Variants in GPR158 observed in about 807,000 individuals in gnomAD.
GPR158 encodes metabotropic glycine receptor.
GPR158 carries 30 observed loss-of-function variants against 78.2 expected under a neutral mutation model. That is an observed-to-expected ratio of 0.38 (90% CI 0.29 to 0.52). GPR158 has a LOEUF of 0.52. Among genes scored for constraint, GPR158 ranks in the 20% least tolerant of loss-of-function variants. The pLI is 0.83. For synonymous variants in GPR158, 581 were observed against 591.1 expected, an observed-to-expected ratio of 0.98 and a Z score of 0.25; for missense variants, 1,463 against 1,523.5, an observed-to-expected ratio of 0.96 and a Z score of 0.66.
At chr10:25,529,517 G>A (rs984940634) in intron 5 of GPR158, among the ~76,000 whole-genome samples, 6 of 152,152 alleles carry the variant, frequency 3.9e-5, no homozygotes, top group African/African-American at 1.4e-4. Context: ...ATCGGGGAGT[G>A]GCAAGTTGGA....
chr10:25,423,147 A>C, intron 4 of GPR158, among the ~76,000 whole-genome samples: 1 of 147,808 alleles, frequency 6.8e-6, no homozygotes, highest in South Asian at 2.1e-4. Context: ...ATATACATAT[A>C]TATGTATATG....
chr10:25,478,352 GT>G (rs1403639416), intron 5 of GPR158, among the ~76,000 whole-genome samples: 7 of 151,968 alleles, frequency 4.6e-5, no homozygotes, highest in African/African-American at 1.7e-4. Flanking sequence ...TATTTACAAA[GT>G]AGAACAAAAT....
At chr10:25,469,373 C>G (rs1247180635) in intron 5 of GPR158, among the ~76,000 whole-genome samples, 1 of 152,210 alleles carries the variant, frequency 6.6e-6, no homozygotes, top group Non-Finnish European at 1.5e-5. Flanking sequence ...ATCTCTCCCT[C>G]AGATTCAGCC....
chr10:25,471,782 A>G (rs368297730), intron 5 of GPR158, among the ~76,000 whole-genome samples: 3 of 152,058 alleles, frequency 2.0e-5, no homozygotes, highest in East Asian at 3.9e-4. Context: ...GTCTGTTCAT[A>G]TCCTTCGCCC....
At chr10:25,264,610 T>C (rs1473650583) in intron 2 of GPR158, among the ~76,000 whole-genome samples, 1 of 152,068 alleles carries the variant, frequency 6.6e-6, no homozygotes, top group African/African-American at 2.4e-5. Flanking sequence ...TAATAAGAAA[T>C]TGTCATTCAA....
At chr10:25,225,594 G>T (rs1002464074) in intron 2 of GPR158, among the ~76,000 whole-genome samples, 1 of 152,074 alleles carries the variant, frequency 6.6e-6, no homozygotes, top group South Asian at 2.1e-4. Context: ...TTATTAAAAA[G>T]TTAAATGTAA....
At chr10:25,348,469 A>G (rs971979951) in intron 2 of GPR158, among the ~76,000 whole-genome samples, 5 of 151,600 alleles carry the variant, frequency 3.3e-5, no homozygotes, top group Non-Finnish European at 7.4e-5. Context: ...CCCCATCAAT[A>G]AGTATCATAA....
Position 25,510,379 on chromosome 10 carries a change from T to C in GPR158, c.1405-40597T>C, listed in dbSNP as rs550248006. On this transcript the variant is annotated intron_variant, in intron 5 of 10. Transcript: ENST00000376351. ...ATGATATTGTATAGGAGCTTCACAT[T>C]TTAATAGAATAGCCATGTTGTAAAC... 3.9e-3 allele frequency among the ~76,000 whole-genome samples: 590 copies of C among 152,284 alleles called. 6 individuals are homozygous for C. The highest frequency in any genetic ancestry group is 0.014 in the African/African-American group (566 of 41,552).
At chr10:25,444,626 G>A (rs1325085602) in intron 4 of GPR158, among the ~76,000 whole-genome samples, 1 of 151,356 alleles carries the variant, frequency 6.6e-6, no homozygotes, top group Non-Finnish European at 1.5e-5. Flanking sequence ...TGTGGTATAT[G>A]TGAAGATGTG....
Position 25,291,323 on chromosome 10 carries a change from C to T in GPR158, c.1008+70166C>T, listed in dbSNP as rs113577103. On this transcript the variant is annotated intron_variant, in intron 2 of 10. Coordinates refer to ENST00000376351, the MANE Select transcript of GPR158 (RefSeq NM_020752.3). The stretch of plus-strand genomic sequence containing the variant: ...GGCCATAGATTTATCTTTGAGCAAG[C>T]GCTTAAAGAGGGAAATGGGATCAAT... Among the ~76,000 whole-genome samples the T allele has an allele frequency of 4.3e-3, 652 of 151,966 alleles. 3 individuals are homozygous for T. The highest frequency in any genetic ancestry group is 0.015 in the African/African-American group (609 of 41,478).
intron 5 of GPR158, among the ~76,000 whole-genome samples, chr10:25,484,214 C>A (rs1375439310): frequency 6.6e-6 from 1 of 152,190 alleles, no homozygotes; most frequent in Non-Finnish European, 1.5e-5. Flanking sequence ...ACACACCCTG[C>A]AGCCTTGGCA....
chr10:25,366,569 A>T (rs1192047015), intron 2 of GPR158, among the ~76,000 whole-genome samples: 6 of 151,758 alleles, frequency 4.0e-5, no homozygotes, highest in Admixed American at 4.0e-4. Flanking sequence ...TTTTGTGATG[A>T]GAACATATAA....
At chr10:25,245,515 G>C (rs1005597919) in intron 2 of GPR158, among the ~76,000 whole-genome samples, 1 of 152,168 alleles carries the variant, frequency 6.6e-6, no homozygotes, top group Non-Finnish European at 1.5e-5. Context: ...TTCTAGTTCT[G>C]TTGTGTATGA....
intron 3 of GPR158, among the ~76,000 whole-genome samples, chr10:25,407,390 A>G (rs555511030): frequency 6.6e-6 from 1 of 152,250 alleles, no homozygotes; most frequent in African/African-American, 2.4e-5. Context: ...ATTTTTATTC[A>G]TTCTTTAGGT....
At chr10:25,418,099 G>T (rs561752208) in intron 4 of GPR158, among the ~76,000 whole-genome samples, 31 of 152,270 alleles carry the variant, frequency 2.0e-4, no homozygotes, top group Admixed American at 7.2e-4. Context: ...AAGCAAATAT[G>T]TGTAGGGGTA....
chr10:25,446,407 T>C (rs1416354275), intron 4 of GPR158, among the ~76,000 whole-genome samples: 1 of 152,210 alleles, frequency 6.6e-6, no homozygotes, highest in Non-Finnish European at 1.5e-5. Context: ...AGTTCTTGCC[T>C]TCCAAAAGCA....
At chr10:25,404,866 G>A (rs1373367878) in intron 3 of GPR158, among the ~76,000 whole-genome samples, 2 of 152,064 alleles carry the variant, frequency 1.3e-5, no homozygotes, top group Admixed American at 1.3e-4. Context: ...TATCAGTCAT[G>A]GAAAGCTCTC....
chr10:25,446,941 G>T (rs1835144735), intron 4 of GPR158, among the ~76,000 whole-genome samples: 1 of 152,160 alleles, frequency 6.6e-6, no homozygotes, highest in African/African-American at 2.4e-5. Flanking sequence ...ACAGCAAATG[G>T]AATTTTGTTG....
intron 4 of GPR158, among the ~76,000 whole-genome samples, chr10:25,425,461 C>T (rs993898007): frequency 2.0e-5 from 3 of 151,744 alleles, no homozygotes; most frequent in African/African-American, 7.3e-5. Flanking sequence ...GTTCATCGGC[C>T]ATTTGTATAT....
Sources: allele counts gnomAD v4.1 joint callset (sites outside exome capture counted in the v4.1 genomes callset), GRCh38; gene constraint gnomAD v4.1.1; transcripts MANE v1.5; gene names NCBI Gene and HGNC (gene_info 2026-07-23, HGNC 2026-07-21).